ZNF438: variants seen among roughly 807,000 people sequenced by gnomAD.
ZNF438 encodes the protein zinc finger protein 438.
A neutral mutation model predicts 38.0 loss-of-function variants in ZNF438; 25 were observed. That is an observed-to-expected ratio of 0.66 (90% CI 0.48 to 0.92). ZNF438 has a LOEUF of 0.92. Among genes scored for constraint, ZNF438 ranks in the 40% least tolerant of loss-of-function variants. The pLI is 0.00. For synonymous variants in ZNF438, 372 were observed against 364.1 expected (o/e 1.02, Z -0.25); for missense variants, 1,007 against 999.6 (o/e 1.01, Z -0.10).
chr10:30,880,756 C>T (rs1393027874), intron 3 of ZNF438, among the ~76,000 whole-genome samples: 1 of 152,070 alleles, frequency 6.6e-6, no homozygotes, highest in Admixed American at 6.5e-5. Context: ...AAACAAACTA[C>T]TAGTAAATCA....
At chr10:30,946,140 TC>T (rs1419827659) in intron 1 of ZNF438, among the ~76,000 whole-genome samples, 1 of 152,022 alleles carries the variant, frequency 6.6e-6, no homozygotes, top group African/African-American at 2.4e-5. Context: ...GATTTGCATT[TC>T]TCTGATGGCC....
intron 3 of ZNF438, among the ~76,000 whole-genome samples, chr10:30,902,919 A>G (rs1479521114): frequency 6.6e-6 from 1 of 152,184 alleles, no homozygotes; most frequent in Non-Finnish European, 1.5e-5. Context: ...GGGGAGACTC[A>G]GGCATGTCGG....
chr10:30,849,841 GCTGGCT>G (rs752764350), exon 5 of ZNF438: 748 of 1,614,164 alleles, frequency 4.6e-4, no homozygotes, highest in Middle Eastern at 1.2e-3. Context: ...CTGTGCTAAT[GCTGGCT>G]GGGGCTTGCT....
At chr10:30,991,219 A>G (rs1219084146) in intron 1 of ZNF438, among the ~76,000 whole-genome samples, 1 of 152,188 alleles carries the variant, frequency 6.6e-6, no homozygotes, top group African/African-American at 2.4e-5. Context: ...TCAGCTCCCA[A>G]GCTGGGGCTG....
intron 1 of ZNF438, among the ~76,000 whole-genome samples, chr10:30,992,480 T>G (rs1197885290): frequency 6.6e-6 from 1 of 151,262 alleles, no homozygotes; most frequent in Non-Finnish European, 1.5e-5. Flanking sequence ...TGGTGCAATC[T>G]CAGCTCACTG....
intron 1 of ZNF438, among the ~76,000 whole-genome samples, chr10:30,954,405 A>G (rs571950374): frequency 4.6e-5 from 7 of 152,364 alleles, no homozygotes; most frequent in South Asian, 2.1e-4. Flanking sequence ...CAGAATTACT[A>G]TTAAGGCTTG....
chr10:30,968,856 C>A (rs1232509109), intron 1 of ZNF438, among the ~76,000 whole-genome samples: 1 of 152,120 alleles, frequency 6.6e-6, no homozygotes, highest in Non-Finnish European at 1.5e-5. Context: ...TTTAGAGACC[C>A]GTGGTTGGGA....
At chr10:30,864,128 TC>T (rs1290676134) in intron 4 of ZNF438, among the ~76,000 whole-genome samples, 9 of 152,318 alleles carry the variant, frequency 5.9e-5, no homozygotes, top group Admixed American at 1.3e-4. Context: ...TCATTCACTG[TC>T]CCTTTTATTT....
At chr10:30,999,862 A>G (rs2054466523) in intron 1 of ZNF438, among the ~76,000 whole-genome samples, 1 of 152,198 alleles carries the variant, frequency 6.6e-6, no homozygotes, top group Non-Finnish European at 1.5e-5. Flanking sequence ...ATAGGGAGGA[A>G]GCTACCTATC....
intron 1 of ZNF438, among the ~76,000 whole-genome samples, chr10:30,953,216 C>G (rs2048428996): frequency 6.8e-6 from 1 of 147,246 alleles, no homozygotes; most frequent in Non-Finnish European, 1.5e-5. Context: ...ATCACATGGA[C>G]ACAGGAAGGG....
chr10:30,880,040 G>GA (rs912211489), intron 3 of ZNF438, among the ~76,000 whole-genome samples: 8 of 147,434 alleles, frequency 5.4e-5, no homozygotes, highest in Admixed American at 6.7e-5. Flanking sequence ...CAAAACTGGT[G>GA]AAAAAAAAAA....
At chr10:30,847,273 G>C (rs1277154465) in intron 5 of ZNF438, among the ~76,000 whole-genome samples, 1 of 152,164 alleles carries the variant, frequency 6.6e-6, no homozygotes, top group African/African-American at 2.4e-5. Flanking sequence ...CCAACTGCAC[G>C]CATTTCCTCT....
At chr10:30,955,149 G>GTACT (rs1246032179) in intron 1 of ZNF438, among the ~76,000 whole-genome samples, 15 of 152,134 alleles carry the variant, frequency 9.9e-5, no homozygotes, top group African/African-American at 3.6e-4. Flanking sequence ...CCTGAACAGT[G>GTACT]TACTTGTTGT....
intron 1 of ZNF438, among the ~76,000 whole-genome samples, chr10:31,000,497 A>G (rs1405502322): frequency 6.6e-6 from 1 of 152,228 alleles, no homozygotes; most frequent in African/African-American, 2.4e-5. Context: ...CCAAGTCTAC[A>G]TAGGCAAATA....
intron 3 of ZNF438, among the ~76,000 whole-genome samples, chr10:30,900,711 G>C (rs72814451): frequency 1.3e-5 from 2 of 152,156 alleles, no homozygotes; most frequent in Non-Finnish European, 1.5e-5. Flanking sequence ...CACGTACTGG[G>C]TTCTGCCCTC....
At chr10:30,905,207 C>T (rs550141425) in intron 3 of ZNF438, among the ~76,000 whole-genome samples, 57 of 152,240 alleles carry the variant, frequency 3.7e-4, no homozygotes, top group Admixed American at 5.2e-4. Context: ...GATTGTTTTC[C>T]GAACAAATTT....
intron 1 of ZNF438, among the ~76,000 whole-genome samples, chr10:31,013,952 C>G (rs1431474929): frequency 6.6e-6 from 1 of 152,122 alleles, no homozygotes; most frequent in Non-Finnish European, 1.5e-5. Context: ...CTACTTAACC[C>G]TCTGCAATCT....
intron 1 of ZNF438, among the ~76,000 whole-genome samples, chr10:30,989,059 G>T (rs3006582): frequency 0.13 from 19,307 of 152,142 alleles, 1,613 homozygotes; most frequent in Middle Eastern, 0.24. Flanking sequence ...CATCAAGATG[G>T]TAACATAGAA....
intron 4 of ZNF438, chr10:30,875,495 G>A (rs1227200797): frequency 1.0e-6 from 1 of 985,162 alleles, no homozygotes; most frequent in Non-Finnish European, 1.2e-6. Context: ...TTTCTCCTAA[G>A]CTTCTCCTTG....
Sources: gnomAD v4.1 joint callset for allele counts (sites outside exome capture counted in the v4.1 genomes callset) on GRCh38, gnomAD v4.1.1 for gene constraint, MANE v1.5 for transcripts, NCBI Gene and HGNC (gene_info 2026-07-23, HGNC 2026-07-21) for gene names.